Variants in DCDC1 observed in about 807,000 individuals in gnomAD.
The protein encoded by DCDC1 is doublecortin domain-containing protein 1.
DCDC1 carries 200 observed loss-of-function variants against 178.3 expected under a neutral mutation model. The ratio of observed to expected loss-of-function variants is 1.12; its 90% CI spans 1.00 to 1.26. DCDC1 has a LOEUF of 1.26. Ranked by LOEUF, DCDC1 falls within the 50% of genes most tolerant of loss-of-function variation. The pLI is 0.00. For synonymous variants in DCDC1, 690 were observed against 604.8 expected, an observed-to-expected ratio of 1.14 and a Z score of -2.07; for missense variants, 1,983 against 1,749.2, an observed-to-expected ratio of 1.13 and a Z score of -2.38.
At position 30,892,960 on chromosome 11, in the gene DCDC1, AT is replaced by A. The variant is rs767136587; in HGVS notation, c.4939del (p.Ile1647Ter). The A allele has an allele frequency of 6.2e-7, 1 of 1,613,818 alleles. No individual in the cohort carries two copies. The highest frequency in any genetic ancestry group is 1.1e-5 in the South Asian group (1 of 91,064). On this transcript the variant is annotated frameshift_variant, in exon 36 of 39. Coordinates refer to ENST00000684477, the MANE Select transcript of DCDC1 (RefSeq NM_001387274.1). LOFTEE classifies it high-confidence loss of function. ...ACGTTTGGTTGCAATTGGAAAATTT[AT>A]TTTGGATTCCATTTCTTGGATTTCA... ...LSEIQEMESK[I>X]NFPIATKRIA...
intron 36 of DCDC1, 113 bp downstream of exon 36, chr11:30,892,705 T>C (rs1338368910): frequency 2.2e-5 from 27 of 1,217,430 alleles, no homozygotes; most frequent in Non-Finnish European, 3.1e-5. Flanking sequence ...TACTATTTTG[T>C]GGACAAGAAA....
intron 9 of DCDC1, among the ~76,000 whole-genome samples, chr11:31,153,818 A>ACACACAC (rs61493499): frequency 7.0e-5 from 10 of 143,382 alleles, no homozygotes; most frequent in South Asian, 2.2e-4. Flanking sequence ...ACACACACAC[A>ACACACAC]ATTACCATAA....
intron 20 of DCDC1, among the ~76,000 whole-genome samples, chr11:31,003,688 G>A (rs1249535379): frequency 6.6e-6 from 1 of 152,004 alleles, no homozygotes; most frequent in Non-Finnish European, 1.5e-5. Context: ...AATGAGAGAG[G>A]TGTAGTGTAG....
chr11:31,114,640 G>A (rs1959590958), intron 11 of DCDC1, among the ~76,000 whole-genome samples: 1 of 152,286 alleles, frequency 6.6e-6, no homozygotes, highest in South Asian at 2.1e-4. Flanking sequence ...AGACAGGAAT[G>A]TGTCCAGTAT....
At chr11:31,076,219 G>T (rs1477339380) in intron 18 of DCDC1, among the ~76,000 whole-genome samples, 1 of 152,044 alleles carries the variant, frequency 6.6e-6, no homozygotes, top group African/African-American at 2.4e-5. Context: ...TAATTCCAAA[G>T]ACCTGTGTTC....
chr11:31,061,900 T>C (rs978828282), intron 20 of DCDC1, among the ~76,000 whole-genome samples: 4 of 152,154 alleles, frequency 2.6e-5, no homozygotes, highest in African/African-American at 9.6e-5. Context: ...CTGTCTTTTT[T>C]GGCGTCACTT....
At chr11:31,179,198 G>A (rs1968461521) in intron 9 of DCDC1, among the ~76,000 whole-genome samples, 1 of 152,160 alleles carries the variant, frequency 6.6e-6, no homozygotes, top group South Asian at 2.1e-4. Flanking sequence ...TGTTAGCTGG[G>A]ATGTGGAGAA....
chr11:31,151,966 A>G (rs969244842), intron 9 of DCDC1, among the ~76,000 whole-genome samples: 2 of 152,204 alleles, frequency 1.3e-5, no homozygotes, highest in Non-Finnish European at 2.9e-5. Context: ...TCTCACCACA[A>G]AACAGTGATA....
intron 1 of DCDC1, among the ~76,000 whole-genome samples, chr11:31,340,635 T>C (rs1163537533): frequency 6.6e-6 from 1 of 152,162 alleles, no homozygotes; most frequent in East Asian, 1.9e-4. Flanking sequence ...CCCTCCATAA[T>C]GTGATGTGGG....
chr11:31,331,802 G>A (rs552744794), intron 2 of DCDC1, among the ~76,000 whole-genome samples: 37 of 151,668 alleles, frequency 2.4e-4, no homozygotes, highest in Non-Finnish European at 4.1e-4. Flanking sequence ...GAGGATTTTC[G>A]CATCAATGTT....
chr11:30,867,149 A>G (rs1487716162), intron 38 of DCDC1, among the ~76,000 whole-genome samples: 1 of 152,240 alleles, frequency 6.6e-6, no homozygotes, highest in Non-Finnish European at 1.5e-5. Context: ...AACCATAAAA[A>G]TGATCACTTC....
chr11:31,160,365 C>A (rs1178998787), intron 9 of DCDC1, among the ~76,000 whole-genome samples: 1 of 151,932 alleles, frequency 6.6e-6, no homozygotes, highest in East Asian at 1.9e-4. Flanking sequence ...TTCTAATAAC[C>A]CTTTATCTTA....
At chr11:31,200,515 A>C (rs1440017718) in intron 9 of DCDC1, among the ~76,000 whole-genome samples, 1 of 152,104 alleles carries the variant, frequency 6.6e-6, no homozygotes, top group African/African-American at 2.4e-5. Context: ...TTTTTGTCAC[A>C]ATGGTCAGAA....
At chr11:30,974,752 T>G (rs1950007857) in intron 20 of DCDC1, among the ~76,000 whole-genome samples, 1 of 152,132 alleles carries the variant, frequency 6.6e-6, no homozygotes, top group Non-Finnish European at 1.5e-5. Flanking sequence ...CAGGACCTGA[T>G]GGCTTCACTG....
Position 31,004,442 on chromosome 11 carries a change from G to A in DCDC1, c.2592-51874C>T, listed in dbSNP as rs1951731073. Reference sequence around the variant, plus strand: ...TAATCCCAGCACTTTGGGAGGCCGAGGTGGGAGGATCATGAGGTCAGGAGA... The same window carrying A: ...TAATCCCAGCACTTTGGGAGGCCGAAGTGGGAGGATCATGAGGTCAGGAGA... On this transcript the variant is annotated intron_variant, in intron 20 of 38. Transcript: ENST00000684477. 1.3e-5 allele frequency among the ~76,000 whole-genome samples: 2 copies of A among 151,690 alleles called. 1 individual carries two copies. The highest frequency in any genetic ancestry group is 4.2e-4 in the South Asian group (2 of 4,806).
intron 7 of DCDC1, among the ~76,000 whole-genome samples, chr11:31,270,492 C>A (rs1331450781): frequency 6.6e-6 from 1 of 152,142 alleles, no homozygotes; most frequent in African/African-American, 2.4e-5. Context: ...TATAAATTAG[C>A]CTGAACTCCT....
At chr11:31,148,274 C>A (rs977640750) in intron 9 of DCDC1, among the ~76,000 whole-genome samples, 22 of 150,730 alleles carry the variant, frequency 1.5e-4, no homozygotes, top group African/African-American at 4.9e-4. Context: ...AGGCCGGGCG[C>A]CGTGGCTCAC....
chr11:31,005,406 C>T (rs1244547983), intron 20 of DCDC1, among the ~76,000 whole-genome samples: 1 of 152,052 alleles, frequency 6.6e-6, no homozygotes, highest in African/African-American at 2.4e-5. Flanking sequence ...GGCACAGCTG[C>T]AGTGAACCAC....
At position 30,915,497 on chromosome 11, in the gene DCDC1, T is replaced by C. The variant is rs762421688; in HGVS notation, c.3653+14A>G. 1 of 1,613,650 alleles carries C rather than the reference T, an allele frequency of 6.2e-7. No individual in the cohort carries two copies. Among genetic ancestry groups the C allele is most frequent in the East Asian group, 2.2e-5 (1 of 44,868 alleles). On this transcript the variant is annotated intron_variant, in intron 27 of 38. Coordinates refer to ENST00000684477, the MANE Select transcript of DCDC1 (RefSeq NM_001387274.1). ...CACCTTTTGATATAGTAAACCCAAA[T>C]ATAATGGGATTACCTGCTGTCTTCC...
Sources: gnomAD v4.1 joint callset for allele counts (sites outside exome capture counted in the v4.1 genomes callset) on GRCh38, gnomAD v4.1.1 for gene constraint, MANE v1.5 for transcripts, NCBI Gene and HGNC (gene_info 2026-07-23, HGNC 2026-07-21) for gene names.